The following CCSER1 variants were observed in gnomAD, a reference collection of about 807,000 sequenced individuals.
The protein encoded by CCSER1 is serine-rich coiled-coil domain-containing protein 1.
Under a neutral mutation model 82.0 loss-of-function variants are expected in CCSER1, and 41 were observed. That is an observed-to-expected ratio of 0.50 (90% CI 0.39 to 0.65). The LOEUF is 0.65. Among genes scored for constraint, CCSER1 ranks in the 30% least tolerant of loss-of-function variants. The pLI, the probability that CCSER1 is intolerant of heterozygous loss-of-function variation, is 0.00. For synonymous variants in CCSER1, 414 were observed against 383.9 expected (o/e 1.08, Z -0.92); for missense variants, 1,119 against 1,064.2 (o/e 1.05, Z -0.72).
intron 10 of CCSER1, among the ~76,000 whole-genome samples, chr4:91,474,962 T>C (rs994277051): frequency 3.3e-5 from 5 of 151,794 alleles, no homozygotes; most frequent in Non-Finnish European, 4.4e-5. Context: ...AAATTTTGTA[T>C]AACATGTAGC....
In CCSER1 at chr4:90,968,883, A is replaced by G. The variant is rs547796986; in HGVS notation, c.2172+45436A>G. Among the ~76,000 whole-genome samples the G allele has an allele frequency of 3.3e-5, 5 of 152,150 alleles. No homozygotes were observed. In the South Asian group the frequency reaches 1.0e-3, roughly 32 times the overall value. ...AAAAAAAATCAAAATAATTGTTTTA[A>G]GGAAGCTCAAGATGCTACAGAAACA... On this transcript the variant is annotated intron_variant, in intron 9 of 10. Transcript: ENST00000509176.
chr4:90,477,905 T>G (rs1442735201), intron 5 of CCSER1, among the ~76,000 whole-genome samples: 1 of 152,124 alleles, frequency 6.6e-6, no homozygotes, highest in Admixed American at 6.5e-5. Context: ...TATTAACATA[T>G]TTAACATTTG....
chr4:90,301,216 A>G (rs78931551), intron 1 of CCSER1, among the ~76,000 whole-genome samples: 4,793 of 152,256 alleles, frequency 0.031, 196 homozygotes, highest in African/African-American at 0.096. Context: ...AATGATCCAT[A>G]TCCAAATTAT....
chr4:90,756,341 TAA>T (rs1225648976), intron 7 of CCSER1, among the ~76,000 whole-genome samples: 1 of 152,212 alleles, frequency 6.6e-6, no homozygotes, highest in Admixed American at 6.5e-5. Flanking sequence ...AACTTTGTAG[TAA>T]GTTTCATAAA....
At chr4:90,427,402 G>A (rs142187966) in intron 4 of CCSER1, among the ~76,000 whole-genome samples, 32 of 151,594 alleles carry the variant, frequency 2.1e-4, no homozygotes, top group Admixed American at 1.9e-3. Flanking sequence ...AATATAAAAT[G>A]GAAGGATTTG....
chr4:90,199,596 C>CTCTTT (rs1553956218), intron 1 of CCSER1, among the ~76,000 whole-genome samples: 5 of 151,188 alleles, frequency 3.3e-5, no homozygotes, highest in Non-Finnish European at 7.4e-5. Flanking sequence ...TCTCCTTTGC[C>CTCTTT]TCTCAAGGAA....
At chr4:90,716,797 C>CGG (rs1367847790) in intron 6 of CCSER1, among the ~76,000 whole-genome samples, 1 of 152,070 alleles carries the variant, frequency 6.6e-6, no homozygotes, top group Non-Finnish European at 1.5e-5. Flanking sequence ...AAGCACCTAA[C>CGG]GATGCATTTC....
intron 10 of CCSER1, among the ~76,000 whole-genome samples, chr4:91,441,573 C>T (rs1240740161): frequency 6.6e-6 from 1 of 152,124 alleles, no homozygotes. Flanking sequence ...GACAGGGATG[C>T]CTTCTCTCAC....
chr4:91,161,060 A>C (rs1180329102), intron 10 of CCSER1, among the ~76,000 whole-genome samples: 1 of 152,154 alleles, frequency 6.6e-6, no homozygotes, highest in Non-Finnish European at 1.5e-5. Flanking sequence ...TCTTTAATCC[A>C]TCTTGAATTA....
intron 10 of CCSER1, among the ~76,000 whole-genome samples, chr4:91,583,134 A>G (rs1001847149): frequency 1.3e-5 from 2 of 151,362 alleles, no homozygotes; most frequent in Non-Finnish European, 1.5e-5. Flanking sequence ...AAGTGTGGCT[A>G]TGAGAATAAA....
chr4:91,021,561 A>T (rs1420877980), intron 9 of CCSER1, among the ~76,000 whole-genome samples: 1 of 152,162 alleles, frequency 6.6e-6, no homozygotes, highest in African/African-American at 2.4e-5. Flanking sequence ...TTATTTTTCA[A>T]TTTTTATTCA....
chr4:91,258,277 C>T (rs28431250), intron 10 of CCSER1, among the ~76,000 whole-genome samples: 1 of 151,908 alleles, frequency 6.6e-6, no homozygotes, highest in Non-Finnish European at 1.5e-5. Flanking sequence ...CTTAAGGCAA[C>T]CCTTTTAAAA....
chr4:91,073,788 G>A (rs565600204), intron 9 of CCSER1, among the ~76,000 whole-genome samples: 1 of 152,182 alleles, frequency 6.6e-6, no homozygotes, highest in African/African-American at 2.4e-5. Context: ...GAAAGACACA[G>A]AGTAAGAACC....
chr4:90,769,142 G>A (rs988898008), intron 7 of CCSER1, among the ~76,000 whole-genome samples: 1 of 152,130 alleles, frequency 6.6e-6, no homozygotes, highest in East Asian at 1.9e-4. Flanking sequence ...ATAGCTTCTA[G>A]AAAGTTTAAA....
At chr4:91,500,565 T>A (rs1297612204) in intron 10 of CCSER1, among the ~76,000 whole-genome samples, 1 of 152,062 alleles carries the variant, frequency 6.6e-6, no homozygotes, top group Non-Finnish European at 1.5e-5. Flanking sequence ...TTTTTGTGAA[T>A]GTTTCATGGG....
intron 5 of CCSER1, among the ~76,000 whole-genome samples, chr4:90,626,125 A>G (rs1027379565): frequency 1.3e-5 from 2 of 152,206 alleles, no homozygotes; most frequent in African/African-American, 4.8e-5. Context: ...CCCGCAATTC[A>G]TAACAATTCA....
chr4:90,969,602 A>C (rs540487479), intron 9 of CCSER1, among the ~76,000 whole-genome samples: 45 of 152,122 alleles, frequency 3.0e-4, no homozygotes, highest in African/African-American at 1.1e-3. Flanking sequence ...GATGAACAAA[A>C]TGACAATCTA....
intron 10 of CCSER1, among the ~76,000 whole-genome samples, chr4:91,193,258 C>T (rs1735149872): frequency 1.3e-5 from 2 of 152,144 alleles, no homozygotes; most frequent in African/African-American, 4.8e-5. Context: ...TAATCCACAG[C>T]AAAAGTTTCC....
At chr4:91,513,698 T>A (rs898974988) in intron 10 of CCSER1, among the ~76,000 whole-genome samples, 4 of 152,164 alleles carry the variant, frequency 2.6e-5, no homozygotes, top group Non-Finnish European at 4.4e-5. Flanking sequence ...TGTGAGATAG[T>A]GTGTTTCCAG....
Sources: gnomAD v4.1 joint callset for allele counts (sites outside exome capture counted in the v4.1 genomes callset) on GRCh38, gnomAD v4.1.1 for gene constraint, MANE v1.5 for transcripts, NCBI Gene and HGNC (gene_info 2026-07-23, HGNC 2026-07-21) for gene names.